Variants in DNAJC6 observed in about 807,000 individuals in gnomAD.
DNAJC6 encodes the protein DnaJ heat shock protein family (Hsp40) member C6.
In DNAJC6, 34 loss-of-function variants were observed where a neutral mutation model predicts 110.0. The ratio of observed to expected loss-of-function variants is 0.31; its 90% CI spans 0.24 to 0.41. DNAJC6 has a LOEUF of 0.41. DNAJC6 is among the 10% of genes least tolerant of loss of function. The pLI, the probability that DNAJC6 is intolerant of heterozygous loss-of-function variation, is 1.00. For synonymous variants in DNAJC6, 406 were observed against 437.2 expected (o/e 0.93, Z 0.89); for missense variants, 1,031 against 1,207.8 (o/e 0.85, Z 2.17).
chr1:65,380,785 A>G (rs890248763), intron 5 of DNAJC6, among the ~76,000 whole-genome samples: 2 of 152,134 alleles, frequency 1.3e-5, no homozygotes, highest in African/African-American at 4.8e-5. Flanking sequence ...CAAACAAAAG[A>G]TTATGGTTCT....
intron 11 of DNAJC6, among the ~76,000 whole-genome samples, chr1:65,390,311 C>T (rs1226396867): frequency 6.6e-6 from 1 of 152,172 alleles, no homozygotes; most frequent in Non-Finnish European, 1.5e-5. Context: ...ATCAGCATTC[C>T]CCCCAGGGAG....
At chr1:65,382,216 C>T (rs1007591582) in intron 5 of DNAJC6, among the ~76,000 whole-genome samples, 3 of 152,184 alleles carry the variant, frequency 2.0e-5, no homozygotes, top group Non-Finnish European at 4.4e-5. Flanking sequence ...CAGAACATTT[C>T]ACATGACTAA....
chr1:65,281,413 C>G (rs1225529412), intron 1 of DNAJC6, among the ~76,000 whole-genome samples: 1 of 152,082 alleles, frequency 6.6e-6, no homozygotes, highest in Admixed American at 6.5e-5. Flanking sequence ...CATTAATAGT[C>G]GCTCCCCTTT....
At chr1:65,306,007 T>G (rs1204483694), upstream of DNAJC6, among the ~76,000 whole-genome samples, 1 of 151,950 alleles carries the variant, frequency 6.6e-6, no homozygotes, top group East Asian at 1.9e-4. Context: ...GGCAGAGAGG[T>G]TAAGTAACTT....
At chr1:65,376,172 G>T (rs1645764760) in intron 4 of DNAJC6, among the ~76,000 whole-genome samples, 1 of 151,952 alleles carries the variant, frequency 6.6e-6, no homozygotes, top group Non-Finnish European at 1.5e-5. Context: ...GATTTGTTTG[G>T]TATATAATTG....
At chr1:65,304,022 G>A (rs530792632) in intron 1 of DNAJC6, among the ~76,000 whole-genome samples, 1 of 152,240 alleles carries the variant, frequency 6.6e-6, no homozygotes, top group East Asian at 1.9e-4. Context: ...ACTGATTGTT[G>A]TGTAACCCTG....
rs567551932 is a variant in DNAJC6, at chr1:65,318,827, A to G, written c.193+8889A>G. Among the ~76,000 whole-genome samples, 4 of 152,310 alleles carry G rather than the reference A, an allele frequency of 2.6e-5. No individual in the cohort carries two copies. In the South Asian group the frequency reaches 8.3e-4, roughly 32 times the overall value. ...TGGCACACGTTTATCTATGTAACAA[A>G]CATGCTGCACATGTACACCAGAACT... On this transcript the variant is annotated intron_variant, in intron 1 of 18. Transcript: ENST00000371069.
rs1347704254 is a variant in DNAJC6 at position 65,414,316 on chromosome 1, A to G, written c.*1291A>G. The G allele has an allele frequency of 6.6e-6, 1 of 152,592 alleles. No individual in the cohort carries two copies. The highest frequency in any genetic ancestry group is 1.5e-5 in the Non-Finnish European group (1 of 68,042). 9.5% of individuals were successfully genotyped at this position (152,592 alleles called of 1,614,324 possible). A position where few individuals can be genotyped will look rare whatever the true frequency, so the allele number is the denominator to read the frequency against. On this transcript the variant is annotated 3_prime_UTR_variant, in exon 19 of 19. Coordinates refer to ENST00000371069, the MANE Select transcript of DNAJC6 (RefSeq NM_001256864.2). ...CTGGTTCTCATTTTAAGGGGTAAGC[A>G]GTTTGCTATTCTGTGACTTTAGTAG...
chr1:65,401,190 T>C (rs1646027289), intron 14 of DNAJC6, among the ~76,000 whole-genome samples: 1 of 152,244 alleles, frequency 6.6e-6, no homozygotes, highest in African/African-American at 2.4e-5. Context: ...AAATCTTTAA[T>C]GGATTTTGAG....
chr1:65,329,937 A>G (rs1198192457), intron 1 of DNAJC6, among the ~76,000 whole-genome samples: 1 of 152,210 alleles, frequency 6.6e-6, no homozygotes, highest in African/African-American at 2.4e-5. Context: ...TTGGTGCAAC[A>G]TACATTCTTT....
chr1:65,354,571 CT>C (rs1645524216), intron 1 of DNAJC6, among the ~76,000 whole-genome samples: 1 of 152,138 alleles, frequency 6.6e-6, no homozygotes, highest in Non-Finnish European at 1.5e-5. Flanking sequence ...CTTGGAGACT[CT>C]GAGTTTGTGA....
At chr1:65,380,563 C>T (rs1645807729) in intron 5 of DNAJC6, among the ~76,000 whole-genome samples, 1 of 152,164 alleles carries the variant, frequency 6.6e-6, no homozygotes. Flanking sequence ...CAAGGCACAG[C>T]AGATGGTGTA....
rs116005568 is a variant in DNAJC6 at position 65,315,764 on chromosome 1, G to A, written c.193+5826G>A. ...AACTAAGGCACAGAGAGGTTAAGTT[G>A]CGTGAGGTTACACAGGCTCTACTTA... is the stretch of plus-strand genomic sequence containing the variant. On this transcript the variant is annotated intron_variant, in intron 1 of 18. Coordinates refer to ENST00000371069, the MANE Select transcript of DNAJC6 (RefSeq NM_001256864.2). 1.4e-3 allele frequency among the ~76,000 whole-genome samples: 214 copies of A among 152,260 alleles called. 2 individuals are homozygous for A. Among genetic ancestry groups the A allele is most frequent in the African/African-American group, 4.6e-3 (190 of 41,552 alleles).
rs1425859053 is a variant in DNAJC6, at chr1:65,392,592, G to C, written c.1630G>C (p.Glu544Gln). Reference protein sequence around the residue: ...GVKKPSKKQQEPAAPPPPEDV... With the variant: ...GVKKPSKKQQQPAAPPPPEDV... Reference sequence around the variant, plus strand: ...CAAGAAGCCCAGCAAAAAGCAGCAGGAGCCAGCAGCCCCTCCACCCCCTGA... The same window carrying C: ...CAAGAAGCCCAGCAAAAAGCAGCAGCAGCCAGCAGCCCCTCCACCCCCTGA... The change falls in exon 12 of 19, where the codon GAG becomes CAG. Residue 544 changes from glutamate (E) to glutamine (Q), a missense_variant. Physicochemically the swap from Glu to Gln is conservative, Grantham distance 29. Coordinates refer to ENST00000371069, the MANE Select transcript of DNAJC6 (RefSeq NM_001256864.2). The C allele has an allele frequency of 1.9e-6, 3 of 1,614,098 alleles. No homozygotes were observed. Among genetic ancestry groups the C allele is most frequent in the Non-Finnish European group, 2.5e-6 (3 of 1,180,004 alleles).
intron 1 of DNAJC6, 149 bp from the exon 2 acceptor site, chr1:65,364,486 T>C: frequency 1.0e-6 from 1 of 975,586 alleles, no homozygotes. Flanking sequence ...AGTCTATAAG[T>C]TCTGAGAGTG....
chr1:65,356,654 A>G (rs1645546916), intron 1 of DNAJC6, among the ~76,000 whole-genome samples: 1 of 152,140 alleles, frequency 6.6e-6, no homozygotes. Context: ...ATCTCATTAC[A>G]TAAAAATCAC....
rs751290005 is a variant in DNAJC6 at position 65,392,383 on chromosome 1, A to G, written c.1469-48A>G. On this transcript the variant is annotated intron_variant, in intron 11 of 18. Transcript: ENST00000371069. ...ACATATATTATAACAAAAACCAACA[A>G]TGCTGTGGTCAGCAACTAATCTCTT... is the stretch of plus-strand genomic sequence containing the variant. 3.4e-6 allele frequency: 5 copies of G among 1,489,188 alleles called. No individual in the cohort carries two copies. The Admixed American group carries it at 1.1e-4, about 33-fold the overall frequency. 92.2% of individuals were successfully genotyped at this position (1,489,188 alleles called of 1,614,324 possible). A position where few individuals can be genotyped will look rare whatever the true frequency, so the allele number is the denominator to read the frequency against.
Position 65,392,743 on chromosome 1 carries a change from C to T in DNAJC6, c.1781C>T (p.Thr594Ile), listed in dbSNP as rs568036215. ...LFGGGGAAGP[T>I]QAGQSGVEDV... ...GGGGGTGGAGGTGCAGCTGGTCCCA[C>T]CCAGGCTGGACAGTCAGGAGTGGAA... Residue 594 changes from threonine to isoleucine, a missense_variant, in exon 12 of 19, where the codon ACC becomes ATC. Physicochemically the swap from Thr to Ile is moderately conservative, Grantham distance 89 (BLOSUM62 -1). Transcript: ENST00000371069. The T allele has an allele frequency of 2.8e-5, 45 of 1,613,044 alleles. No homozygotes were observed. The highest frequency in any genetic ancestry group is 1.4e-4 in the South Asian group (13 of 90,836).
chr1:65,277,659 G>C (rs1417908187), intron 1 of DNAJC6, among the ~76,000 whole-genome samples: 1 of 151,970 alleles, frequency 6.6e-6, no homozygotes, highest in Non-Finnish European at 1.5e-5. Context: ...TGCAGGGGAG[G>C]GGGTGAGCCA....
Sources: allele counts gnomAD v4.1 joint callset (sites outside exome capture counted in the v4.1 genomes callset), GRCh38; gene constraint gnomAD v4.1.1; transcripts MANE v1.5; gene names NCBI Gene and HGNC (gene_info 2026-07-23, HGNC 2026-07-21).